ALK: variants seen among roughly 807,000 people sequenced by gnomAD.
ALK encodes ALK receptor tyrosine kinase.
A neutral mutation model predicts 163.1 loss-of-function variants in ALK; 74 were observed. The ratio of observed to expected loss-of-function variants is 0.45; its 90% CI spans 0.38 to 0.55. The LOEUF is 0.55. ALK is among the 20% of genes least tolerant of loss of function. The pLI is 0.00. For synonymous variants in ALK, 960 were observed against 843.2 expected, an observed-to-expected ratio of 1.14 and a Z score of -2.40; for missense variants, 2,063 against 2,105.3, an observed-to-expected ratio of 0.98 and a Z score of 0.39.
intron 1 of ALK, among the ~76,000 whole-genome samples, chr2:29,909,685 T>C (rs1427410749): frequency 2.6e-5 from 4 of 152,246 alleles, no homozygotes; most frequent in Middle Eastern, 3.4e-3. Context: ...ATACATGGAA[T>C]TGGGAAATGT....
intron 4 of ALK, among the ~76,000 whole-genome samples, chr2:29,457,365 G>A (rs764497384): frequency 2.0e-5 from 3 of 152,150 alleles, no homozygotes; most frequent in Non-Finnish European, 2.9e-5. Context: ...GCCTCGGTTA[G>A]GAGTAGGGAG....
At chr2:29,718,160 T>C (rs1405526330) in intron 1 of ALK, among the ~76,000 whole-genome samples, 2 of 152,224 alleles carry the variant, frequency 1.3e-5, no homozygotes, top group African/African-American at 4.8e-5. Context: ...GAAACTGCAC[T>C]CTGAAGTTAT....
At chr2:29,342,269 A>G (rs1667815680) in intron 5 of ALK, among the ~76,000 whole-genome samples, 1 of 152,224 alleles carries the variant, frequency 6.6e-6, no homozygotes, top group South Asian at 2.1e-4. Flanking sequence ...TCAGCTTTGA[A>G]AAGGAAATAA....
chr2:29,876,434 T>C (rs887665859), intron 1 of ALK, among the ~76,000 whole-genome samples: 2 of 139,942 alleles, frequency 1.4e-5, no homozygotes, highest in Non-Finnish European at 3.1e-5. Flanking sequence ...GTGATGGTGA[T>C]GGTAGTGGTG....
At chr2:29,559,502 C>T (rs951388608) in intron 3 of ALK, among the ~76,000 whole-genome samples, 14 of 152,180 alleles carry the variant, frequency 9.2e-5, no homozygotes, top group African/African-American at 2.7e-4. Context: ...TGTCTCTCCA[C>T]ATTCTTAATA....
At chr2:29,898,902 A>G (rs888165731) in intron 1 of ALK, among the ~76,000 whole-genome samples, 3 of 152,290 alleles carry the variant, frequency 2.0e-5, no homozygotes, top group Non-Finnish European at 2.9e-5. Context: ...ATCCATCTGT[A>G]ACTCCAAAAA....
chr2:29,426,647 C>T (rs1055373665), intron 4 of ALK, among the ~76,000 whole-genome samples: 7 of 151,976 alleles, frequency 4.6e-5, no homozygotes, highest in Non-Finnish European at 1.0e-4. Flanking sequence ...CACCCCCTAC[C>T]CACACACACA....
chr2:29,834,675 G>C (rs1003835312), intron 1 of ALK, among the ~76,000 whole-genome samples: 1 of 152,188 alleles, frequency 6.6e-6, no homozygotes, highest in Non-Finnish European at 1.5e-5. Context: ...CGAGTATAGA[G>C]AGGGGAGATC....
chr2:29,213,608 G>A (rs1669519831), intron 24 of ALK, among the ~76,000 whole-genome samples: 1 of 152,184 alleles, frequency 6.6e-6, no homozygotes, highest in South Asian at 2.1e-4. Context: ...TAGGTCTCCA[G>A]CCCTGGCGAG....
chr2:29,270,142 AAG>A (rs1461953447), intron 11 of ALK, among the ~76,000 whole-genome samples: 4 of 152,338 alleles, frequency 2.6e-5, no homozygotes, highest in African/African-American at 7.2e-5. Context: ...TCAGTAATGA[AAG>A]AGAGATCCCT....
chr2:29,341,979 G>A (rs186126002), intron 5 of ALK, among the ~76,000 whole-genome samples: 46 of 152,316 alleles, frequency 3.0e-4, no homozygotes, highest in African/African-American at 1.0e-3. Flanking sequence ...AAAACTGGAT[G>A]ATAGGCAGGC....
In ALK at chr2:29,318,394, T is replaced by C. The variant is rs372682748; in HGVS notation, c.1557A>G (p.Leu519=). The change falls in exon 8 of 29, where the codon CTA becomes CTG. Residue 519 remains leucine (L), a synonymous_variant. Coordinates refer to ENST00000389048, the MANE Select transcript of ALK (RefSeq NM_004304.5). ...CGGGGACATCAGTGGTACTGAGCAA[T>C]AGAGCATGGTCTAGGAGAGAGGAAA... is the stretch of plus-strand genomic sequence containing the variant. ...ARFQDHQDHA[L]LLSTTDVPAS... is the part of the protein sequence containing the mutation. 10 of 1,611,954 alleles carry C rather than the reference T, an allele frequency of 6.2e-6. No individual in the cohort carries two copies. The highest frequency in any genetic ancestry group is 2.7e-5 in the African/African-American group (2 of 74,824).
At chr2:29,517,697 A>G (rs1672708223) in intron 4 of ALK, among the ~76,000 whole-genome samples, 1 of 152,188 alleles carries the variant, frequency 6.6e-6, no homozygotes, top group South Asian at 2.1e-4. Flanking sequence ...AAATCACCAC[A>G]TGATTATCAG....
intron 8 of ALK, among the ~76,000 whole-genome samples, chr2:29,301,941 G>A (rs542550616): frequency 3.9e-5 from 6 of 152,212 alleles, no homozygotes; most frequent in Admixed American, 6.5e-5. Context: ...CTACTCACTC[G>A]CAGATAGTTA....
chr2:29,674,642 T>C (rs1677816785), intron 3 of ALK, among the ~76,000 whole-genome samples: 1 of 151,914 alleles, frequency 6.6e-6, no homozygotes, highest in East Asian at 1.9e-4. Context: ...TTCTCTTTCT[T>C]GGTTGTGTCT....
chr2:29,609,899 C>T (rs904925918), intron 3 of ALK, among the ~76,000 whole-genome samples: 2 of 152,152 alleles, frequency 1.3e-5, no homozygotes, highest in Non-Finnish European at 2.9e-5. Flanking sequence ...AATGCAGTCC[C>T]ACCAAGTGCT....
intron 1 of ALK, among the ~76,000 whole-genome samples, chr2:29,877,267 T>C (rs11127243): frequency 0.77 from 116,468 of 152,130 alleles, 44,697 homozygotes; most frequent in East Asian, 0.79. Flanking sequence ...CTGCCTTAAG[T>C]GCTCTTCCTC....
intron 1 of ALK, among the ~76,000 whole-genome samples, chr2:29,872,878 C>T (rs999645617): frequency 2.0e-5 from 3 of 152,212 alleles, no homozygotes; most frequent in Non-Finnish European, 4.4e-5. Flanking sequence ...AAGGAATGTA[C>T]AGACAAATCC....
intron 12 of ALK, among the ~76,000 whole-genome samples, chr2:29,240,166 G>GAGAC (rs1459548612): frequency 6.6e-6 from 1 of 151,380 alleles, no homozygotes; most frequent in Non-Finnish European, 1.5e-5. Flanking sequence ...GAGAGAGAGA[G>GAGAC]AGAGAGAGAG....
Sources: allele counts gnomAD v4.1 joint callset (sites outside exome capture counted in the v4.1 genomes callset), GRCh38; gene constraint gnomAD v4.1.1; transcripts MANE v1.5; gene names NCBI Gene and HGNC (gene_info 2026-07-23, HGNC 2026-07-21).